Variants in MMP16 observed in about 807,000 individuals in gnomAD.
MMP16 encodes the protein matrix metalloproteinase-16.
A neutral mutation model predicts 67.8 loss-of-function variants in MMP16; 12 were observed. The observed-to-expected ratio is 0.18, with a 90% CI of 0.11 to 0.29. The LOEUF (loss-of-function observed/expected upper bound fraction) is 0.29. MMP16 is among the 10% of genes least tolerant of loss of function. The pLI, the probability that MMP16 is intolerant of heterozygous loss-of-function variation, is 1.00. For missense variants in MMP16, 475 were observed against 765.7 expected (o/e 0.62, Z 4.48); for synonymous variants, 249 against 255.9 (o/e 0.97, Z 0.26).
chr8:88,188,554 T>C (rs916937345), intron 2 of MMP16, among the ~76,000 whole-genome samples: 2 of 152,198 alleles, frequency 1.3e-5, no homozygotes, highest in African/African-American at 4.8e-5. Context: ...AAAATTACTT[T>C]AGTATGTATA....
intron 1 of MMP16, among the ~76,000 whole-genome samples, chr8:88,203,804 T>C (rs2129798355): frequency 6.6e-6 from 1 of 152,348 alleles, no homozygotes; most frequent in East Asian, 1.9e-4. Context: ...ATGAGTTATG[T>C]ATTTTCTTTT....
intron 3 of MMP16, among the ~76,000 whole-genome samples, chr8:88,182,719 T>C (rs1809001126): frequency 6.6e-6 from 1 of 152,150 alleles, no homozygotes; most frequent in South Asian, 2.1e-4. Context: ...TTTATCCAAA[T>C]GAGTTAAAAA....
At chr8:88,160,155 T>A (rs1008769457) in intron 4 of MMP16, among the ~76,000 whole-genome samples, 1 of 151,930 alleles carries the variant, frequency 6.6e-6, no homozygotes, top group Non-Finnish European at 1.5e-5. Context: ...CAGAGTGTCA[T>A]GTTCCCCTTC....
At chr8:88,272,368 G>A (rs1228450031) in intron 1 of MMP16, among the ~76,000 whole-genome samples, 2 of 152,088 alleles carry the variant, frequency 1.3e-5, no homozygotes, top group Non-Finnish European at 2.9e-5. Context: ...AATATATAAA[G>A]CTTAGTGCTT....
At chr8:88,164,930 T>C (rs1196222431) in intron 4 of MMP16, among the ~76,000 whole-genome samples, 2 of 151,706 alleles carry the variant, frequency 1.3e-5, no homozygotes, top group East Asian at 1.9e-4. Context: ...AATTCTTAAA[T>C]CATACAAAAC....
intron 1 of MMP16, among the ~76,000 whole-genome samples, chr8:88,311,393 C>A (rs1415554824): frequency 6.6e-6 from 1 of 152,062 alleles, no homozygotes; most frequent in Middle Eastern, 3.2e-3. Context: ...TACTCTCATT[C>A]ACTTGCATTT....
At chr8:88,172,407 A>G (rs1436515527) in intron 3 of MMP16, among the ~76,000 whole-genome samples, 1 of 152,216 alleles carries the variant, frequency 6.6e-6, no homozygotes, top group African/African-American at 2.4e-5. Context: ...GTGCAAACAA[A>G]AACAAGAGTT....
intron 4 of MMP16, among the ~76,000 whole-genome samples, chr8:88,134,062 C>T (rs1808078640): frequency 6.6e-6 from 1 of 151,676 alleles, no homozygotes; most frequent in Admixed American, 6.6e-5. Flanking sequence ...AAAAGGAAGA[C>T]ACTCCTGTAG....
At chr8:88,254,294 C>A in intron 1 of MMP16, among the ~76,000 whole-genome samples, 1 of 152,046 alleles carries the variant, frequency 6.6e-6, no homozygotes, top group South Asian at 2.1e-4. Context: ...AAACAACTCA[C>A]ACAGGCCTAT....
At chr8:88,289,885 C>T (rs1810895635) in intron 1 of MMP16, among the ~76,000 whole-genome samples, 1 of 152,116 alleles carries the variant, frequency 6.6e-6, no homozygotes, top group Non-Finnish European at 1.5e-5. Context: ...ATTGAAACTT[C>T]CTCCAGCTGG....
At chr8:88,212,233 A>T (rs1373709356) in intron 1 of MMP16, among the ~76,000 whole-genome samples, 1 of 152,154 alleles carries the variant, frequency 6.6e-6, no homozygotes, top group Non-Finnish European at 1.5e-5. Flanking sequence ...AGTATGGAGG[A>T]CACAGATTCA....
rs560345071 is a variant in MMP16 at position 88,091,275 on chromosome 8, C to T, written c.1084-16532G>A. ...ATATAAGACCAATAATACCTATTTT[C>T]CCCCAAAAGATCCCTGCAGATTTTT... On this transcript the variant is annotated intron_variant, in intron 6 of 9. Transcript: ENST00000286614. Among the ~76,000 whole-genome samples, 24 of 151,852 alleles carry T rather than the reference C, an allele frequency of 1.6e-4. No homozygotes were observed. In the East Asian group the frequency reaches 2.5e-3, roughly 16 times the overall value.
chr8:88,082,673 C>A (rs1808771528), intron 6 of MMP16, among the ~76,000 whole-genome samples: 1 of 151,862 alleles, frequency 6.6e-6, no homozygotes, highest in African/African-American at 2.4e-5. Flanking sequence ...AAACAGATAG[C>A]ACAGAAACTA....
intron 2 of MMP16, among the ~76,000 whole-genome samples, chr8:88,191,405 C>G (rs1809167218): frequency 6.6e-6 from 1 of 152,120 alleles, no homozygotes; most frequent in East Asian, 1.9e-4. Context: ...CTATTATTAA[C>G]TTACAATTCT....
intron 6 of MMP16, among the ~76,000 whole-genome samples, chr8:88,083,348 T>C (rs1490302676): frequency 1.3e-5 from 2 of 152,040 alleles, no homozygotes; most frequent in Non-Finnish European, 2.9e-5. Context: ...TCAGGGCTTC[T>C]TGGAGAATAG....
intron 1 of MMP16, among the ~76,000 whole-genome samples, chr8:88,287,442 CTCA>C (rs1174195386): frequency 1.3e-5 from 2 of 152,178 alleles, no homozygotes; most frequent in African/African-American, 2.4e-5. Flanking sequence ...GAGTTTTCAT[CTCA>C]TCAAGTGCAT....
In MMP16 at chr8:88,128,699, T is replaced by C. The variant is rs182497561; in HGVS notation, c.710-9838A>G. ...GGAGCCTTATTTTGATTAGCAATGA[T>C]TAGCAAAAAAAGATCTTCTAATCAC... On this transcript the variant is annotated intron_variant, in intron 4 of 9. Transcript: ENST00000286614. Among the ~76,000 whole-genome samples, 155 of 151,796 alleles carry C rather than the reference T, an allele frequency of 1.0e-3. 3 individuals are homozygous for C. Among genetic ancestry groups the C allele is most frequent in the Non-Finnish European group, 2.7e-4 (18 of 67,796 alleles).
At chr8:88,061,310 AAGAG>A (rs1808397725) in intron 7 of MMP16, among the ~76,000 whole-genome samples, 1 of 152,074 alleles carries the variant, frequency 6.6e-6, no homozygotes, top group Non-Finnish European at 1.5e-5. Context: ...CAATAGAAGA[AAGAG>A]AAAGAAAGGC....
chr8:88,195,753 T>C (rs1005050555), intron 2 of MMP16, among the ~76,000 whole-genome samples: 5 of 152,166 alleles, frequency 3.3e-5, no homozygotes, highest in African/African-American at 1.2e-4. Flanking sequence ...CATATTCTTT[T>C]TATTCTTGAT....
Sources: gnomAD v4.1 joint callset for allele counts (sites outside exome capture counted in the v4.1 genomes callset) on GRCh38, gnomAD v4.1.1 for gene constraint, MANE v1.5 for transcripts, NCBI Gene and HGNC (gene_info 2026-07-23, HGNC 2026-07-21) for gene names.